Variants in OSBPL6 observed in about 807,000 individuals in gnomAD.
The protein encoded by OSBPL6 is oxysterol binding protein like 6, also known as oxysterol-binding protein-related protein 6.
Under a neutral mutation model 125.8 loss-of-function variants are expected in OSBPL6, and 49 were observed. That is an observed-to-expected ratio of 0.39 (90% CI 0.31 to 0.49). The LOEUF is 0.49. Among genes scored for constraint, OSBPL6 ranks in the 20% least tolerant of loss-of-function variants. OSBPL6 has a pLI of 0.88. For synonymous variants in OSBPL6, 394 were observed against 391.8 expected (o/e 1.01, Z -0.07); for missense variants, 986 against 1,135.4 (o/e 0.87, Z 1.89).
intron 19 of OSBPL6, 129 bp downstream of exon 19, chr2:178,385,650 A>G (rs1694875143): frequency 1.0e-5 from 7 of 695,686 alleles, no homozygotes; most frequent in Non-Finnish European, 1.7e-5. Context: ...TAATTGGTGC[A>G]GAGCTCATTT....
rs140800599 is a variant in OSBPL6 at position 178,228,509 on chromosome 2, A to T, written c.-351+33835A>T. 1.0e-3 allele frequency among the ~76,000 whole-genome samples: 155 copies of T among 152,322 alleles called. 1 individual carries two copies. The highest frequency in any genetic ancestry group is 3.4e-3 in the Middle Eastern group (1 of 294). On this transcript the variant is annotated intron_variant, in intron 1 of 24. Transcript: ENST00000190611. ...AAGATTGTGCCACTGCACTCCGGCCAGGGTGACAGAGCGAGACTCCATCTC... is the reference window on the plus strand; with the variant it reads ...AAGATTGTGCCACTGCACTCCGGCCTGGGTGACAGAGCGAGACTCCATCTC...
intron 1 of OSBPL6, among the ~76,000 whole-genome samples, chr2:178,227,812 G>A (rs892015534): frequency 1.3e-5 from 2 of 152,214 alleles, no homozygotes; most frequent in African/African-American, 4.8e-5. Flanking sequence ...AGAATGTTGA[G>A]TATGGGGTTC....
chr2:178,228,540 A>C (rs1300156337), intron 1 of OSBPL6, among the ~76,000 whole-genome samples: 2 of 152,236 alleles, frequency 1.3e-5, no homozygotes, highest in Non-Finnish European at 2.9e-5. Flanking sequence ...ATCTCAAAAA[A>C]CAAAATAAAA....
At chr2:178,195,401 C>A (rs1472535154) in intron 1 of OSBPL6, among the ~76,000 whole-genome samples, 9 of 152,298 alleles carry the variant, frequency 5.9e-5, no homozygotes, top group African/African-American at 2.2e-4. Flanking sequence ...GGGAGCTGCC[C>A]GCAGATCGTG....
At chr2:178,329,781 A>G (rs1312406957) in intron 5 of OSBPL6, among the ~76,000 whole-genome samples, 1 of 152,086 alleles carries the variant, frequency 6.6e-6, no homozygotes, top group Admixed American at 6.6e-5. Context: ...GAATAAATCT[A>G]TATATTTGGC....
intron 3 of OSBPL6, among the ~76,000 whole-genome samples, chr2:178,309,282 C>T (rs980680061): frequency 4.6e-5 from 7 of 152,218 alleles, no homozygotes; most frequent in African/African-American, 1.4e-4. Flanking sequence ...CTGATCTCCT[C>T]ATCTGTATTG....
At chr2:178,255,928 A>G (rs751835894) in intron 1 of OSBPL6, among the ~76,000 whole-genome samples, 13 of 152,200 alleles carry the variant, frequency 8.5e-5, no homozygotes, top group Admixed American at 1.3e-4. Flanking sequence ...AATCCATTCA[A>G]ACTTTAGTAT....
At chr2:178,331,421 AC>A in intron 5 of OSBPL6, 130 bp from the exon 6 acceptor site, 1 of 934,614 alleles carries the variant, frequency 1.1e-6, no homozygotes, top group Non-Finnish European at 1.7e-6. Context: ...GGCCAAATGC[AC>A]TGAATCCAGA....
intron 1 of OSBPL6, among the ~76,000 whole-genome samples, chr2:178,201,936 C>T (rs1404199191): frequency 1.3e-5 from 2 of 152,192 alleles, no homozygotes; most frequent in Non-Finnish European, 2.9e-5. Flanking sequence ...GATCAAGTCA[C>T]ATAGTAGGCT....
At chr2:178,279,690 A>T (rs995179609) in intron 1 of OSBPL6, among the ~76,000 whole-genome samples, 3 of 152,200 alleles carry the variant, frequency 2.0e-5, no homozygotes, top group African/African-American at 7.2e-5. Flanking sequence ...ATGCACGCCA[A>T]TTTTGGTTAT....
chr2:178,305,625 C>G (rs1686690580), intron 2 of OSBPL6, among the ~76,000 whole-genome samples: 1 of 152,240 alleles, frequency 6.6e-6, no homozygotes, highest in Non-Finnish European at 1.5e-5. Flanking sequence ...GATTAACCGT[C>G]ACATACATGA....
chr2:178,386,995 A>G (rs1284095355), intron 19 of OSBPL6, 66 bp from the exon 20 acceptor site: 6 of 1,041,838 alleles, frequency 5.8e-6, no homozygotes, highest in Non-Finnish European at 8.6e-6. Flanking sequence ...TACAAAAGTT[A>G]GTTTTTATAG....
intron 16 of OSBPL6, 172 bp downstream of exon 16, chr2:178,382,679 TG>T (rs1209092959): frequency 2.0e-6 from 3 of 1,470,358 alleles, no homozygotes; most frequent in Admixed American, 5.5e-5. Flanking sequence ...GGTAAATGGT[TG>T]AAAAAATCTG....
At chr2:178,265,225 TTTTTA>T (rs2092195020) in intron 1 of OSBPL6, among the ~76,000 whole-genome samples, 8 of 113,204 alleles carry the variant, frequency 7.1e-5, no homozygotes, top group South Asian at 2.7e-4. Flanking sequence ...TTTTTTTTTT[TTTTTA>T]AGATAGCATC....
At chr2:178,301,970 A>G (rs1686334766) in intron 2 of OSBPL6, among the ~76,000 whole-genome samples, 1 of 152,206 alleles carries the variant, frequency 6.6e-6, no homozygotes, top group African/African-American at 2.4e-5. Flanking sequence ...AGCCTTCAGG[A>G]CTGTGAGAAA....
At position 178,372,360 on chromosome 2, in the gene OSBPL6, C is replaced by T. The variant is rs1358200383; in HGVS notation, c.1395+127C>T. 4 of 615,916 alleles carry T rather than the reference C, an allele frequency of 6.5e-6. No individual in the cohort carries two copies. The East Asian group carries it at 1.2e-4, about 18-fold the overall frequency. 38.2% of individuals were successfully genotyped at this position (615,916 alleles called of 1,614,324 possible). A position where few individuals can be genotyped will look rare whatever the true frequency, so the allele number is the denominator to read the frequency against. The stretch of plus-strand genomic sequence containing the variant: ...GTTCCCTCCATAAATATTTGTGTCA[C>T]TGACAGTTCAGTGTTCTTTGAAGTA... On this transcript the variant is annotated intron_variant, in intron 14 of 24. Transcript: ENST00000190611.
At chr2:178,251,273 A>G (rs2091683787) in intron 1 of OSBPL6, among the ~76,000 whole-genome samples, 1 of 152,064 alleles carries the variant, frequency 6.6e-6, no homozygotes, top group Admixed American at 6.5e-5. Context: ...GCCTTGCATT[A>G]GACTCAGTTC....
At chr2:178,344,958 T>G (rs1474660843) in intron 11 of OSBPL6, among the ~76,000 whole-genome samples, 1 of 152,160 alleles carries the variant, frequency 6.6e-6, no homozygotes, top group African/African-American at 2.4e-5. Flanking sequence ...AAAGACAGTT[T>G]TATGGTATTT....
intron 15 of OSBPL6, among the ~76,000 whole-genome samples, chr2:178,378,150 T>A (rs552225809): frequency 6.6e-6 from 1 of 152,302 alleles, no homozygotes; most frequent in South Asian, 2.1e-4. Context: ...TTTGTATCCC[T>A]CTTTCCTCAT....
Sources: gnomAD v4.1 joint callset for allele counts (sites outside exome capture counted in the v4.1 genomes callset) on GRCh38, gnomAD v4.1.1 for gene constraint, MANE v1.5 for transcripts, NCBI Gene and HGNC (gene_info 2026-07-23, HGNC 2026-07-21) for gene names.